The following SHROOM3 variants were observed in gnomAD, a reference collection of about 807,000 sequenced individuals.
The protein encoded by SHROOM3 is shroom family member 3.
Under a neutral mutation model 138.6 loss-of-function variants are expected in SHROOM3, and 47 were observed. That is an observed-to-expected ratio of 0.34 (90% CI 0.27 to 0.43). SHROOM3 has a LOEUF of 0.43. SHROOM3 is among the 20% of genes least tolerant of loss of function. The pLI is 1.00. For synonymous variants in SHROOM3, 1,062 were observed against 1,063.3 expected (o/e 1.00, Z 0.02); for missense variants, 2,491 against 2,596.5 (o/e 0.96, Z 0.88).
intron 3 of SHROOM3, among the ~76,000 whole-genome samples, chr4:76,721,167 C>T (rs12386424): frequency 0.18 from 27,736 of 151,178 alleles, 2,885 homozygotes; most frequent in East Asian, 0.32. Flanking sequence ...AAAAATTAGC[C>T]GGGCGTAGTG....
At chr4:76,437,705 T>G (rs981349465) in intron 1 of SHROOM3, among the ~76,000 whole-genome samples, 3 of 152,208 alleles carry the variant, frequency 2.0e-5, no homozygotes, top group African/African-American at 7.2e-5. Context: ...CTACTCTTCC[T>G]GAAGTCAAGG....
At chr4:76,635,523 A>G (rs1035350231) in intron 2 of SHROOM3, among the ~76,000 whole-genome samples, 5 of 152,168 alleles carry the variant, frequency 3.3e-5, no homozygotes, top group African/African-American at 9.7e-5. Flanking sequence ...GGACAGCCAG[A>G]CCTACCATTC....
intron 2 of SHROOM3, among the ~76,000 whole-genome samples, chr4:76,627,256 G>A (rs547238680): frequency 6.6e-6 from 1 of 152,244 alleles, no homozygotes; most frequent in Non-Finnish European, 1.5e-5. Context: ...CCTGCAGGGG[G>A]AGATCCTAGG....
At chr4:76,512,665 A>G (rs575722505) in intron 1 of SHROOM3, among the ~76,000 whole-genome samples, 1 of 152,290 alleles carries the variant, frequency 6.6e-6, no homozygotes, top group African/African-American at 2.4e-5. Context: ...GGGAAGGGGA[A>G]AGAAAACCTA....
chr4:76,650,510 T>C (rs1202476573), intron 2 of SHROOM3, among the ~76,000 whole-genome samples: 1 of 149,922 alleles, frequency 6.7e-6, no homozygotes, highest in East Asian at 2.0e-4. Context: ...AACATTCTTT[T>C]TTTTAAGTAT....
intron 2 of SHROOM3, among the ~76,000 whole-genome samples, chr4:76,681,625 G>GTGTGTGTGTATGTA (rs1553936159): frequency 0.014 from 1,699 of 117,920 alleles, 59 homozygotes; most frequent in South Asian, 0.029. Flanking sequence ...GTGTGTGTGT[G>GTGTGTGTGTATGTA]TGTGTGTGTA....
chr4:76,544,769 G>T (rs1302824963), intron 1 of SHROOM3, among the ~76,000 whole-genome samples: 2 of 152,158 alleles, frequency 1.3e-5, no homozygotes, highest in Admixed American at 6.5e-5. Context: ...CATTCTATTT[G>T]CTAGTTGTAT....
In SHROOM3 at chr4:76,740,399, C is replaced by A; in HGVS notation, c.2226C>A (p.Pro742=). 6.2e-7 allele frequency: 1 copy of A among 1,613,074 alleles called. No individual in the cohort carries two copies. Among genetic ancestry groups the A allele is most frequent in the Non-Finnish European group, 8.5e-7 (1 of 1,179,960 alleles). The change falls in exon 5 of 11, where the codon CCC becomes CCA. Residue 742 remains proline, a synonymous_variant. Coordinates refer to ENST00000296043, the MANE Select transcript of SHROOM3 (RefSeq NM_020859.4). This position sits in a 1 kb window ranked among gnomAD's most constrained non-coding sequence, Gnocchi z 4.0. ...SASFNSTDPS[P]EEPPAPSHPH... ...CTTTCAACAGCACAGACCCAAGTCC[C>A]GAAGAGCCGCCTGCCCCCTCGCACC...
At chr4:76,457,867 C>T (rs529813354) in intron 1 of SHROOM3, among the ~76,000 whole-genome samples, 1 of 151,452 alleles carries the variant, frequency 6.6e-6, no homozygotes, top group East Asian at 1.9e-4. Flanking sequence ...CTGATCTCGG[C>T]TCACTGCAAG....
intron 2 of SHROOM3, among the ~76,000 whole-genome samples, chr4:76,599,267 A>G (rs1324365759): frequency 6.6e-6 from 1 of 152,214 alleles, no homozygotes; most frequent in African/African-American, 2.4e-5. Context: ...CTTCAGTAGT[A>G]GCTTTTGAGA....
chr4:76,593,139 AG>A (rs1734308804), intron 2 of SHROOM3, among the ~76,000 whole-genome samples: 1 of 152,192 alleles, frequency 6.6e-6, no homozygotes, highest in African/African-American at 2.4e-5. Flanking sequence ...AACCACCATA[AG>A]TGATTTGGGA....
In SHROOM3 at chr4:76,756,831, C is replaced by G; in HGVS notation, c.5092C>G (p.Leu1698Val). The G allele has an allele frequency of 1.9e-6, 3 of 1,614,068 alleles. No homozygotes were observed. Among genetic ancestry groups the G allele is most frequent in the Non-Finnish European group, 2.5e-6 (3 of 1,180,020 alleles). The stretch of plus-strand genomic sequence containing the variant: ...CTCCAGGCTGAAGACAACAATGGAC[C>G]TGATGGAAGGTTTGTTTCCCCGAGA... ...PDSRLKTTMD[L>V]MEGLFPRDVN... The change falls in exon 8 of 11, where the codon CTG becomes GTG. Residue 1698 changes from leucine (L) to valine (V), a missense_variant. By Grantham distance (32) the Leu-to-Val change is conservative. This residue lies in a region of SHROOM3 where 470 missense variants were observed against 595.0 expected (regional missense o/e 0.79). Coordinates refer to ENST00000296043, the MANE Select transcript of SHROOM3 (RefSeq NM_020859.4).
At chr4:76,684,913 T>C (rs1478402212) in intron 2 of SHROOM3, among the ~76,000 whole-genome samples, 1 of 152,246 alleles carries the variant, frequency 6.6e-6, no homozygotes, top group African/African-American at 2.4e-5. Context: ...CTTAAATGCA[T>C]TTCCCTAAAG....
chr4:76,590,610 T>C (rs1734252486), intron 2 of SHROOM3, among the ~76,000 whole-genome samples: 1 of 151,416 alleles, frequency 6.6e-6, no homozygotes, highest in Admixed American at 6.6e-5. Context: ...TTCTACACAG[T>C]GATGAGTTTT....
Position 76,741,084 on chromosome 4 carries a change from C to T in SHROOM3, c.2911C>T (p.Pro971Ser). Residue 971 changes from proline to serine, a missense_variant, in exon 5 of 11, where the codon CCC (proline) becomes TCC (serine). Coordinates refer to ENST00000296043, the MANE Select transcript of SHROOM3 (RefSeq NM_020859.4). This position sits in a 1 kb window ranked among gnomAD's most constrained non-coding sequence, Gnocchi z 6.2. ...CTCGGCCCACGTGGGGCTGCGGAGC[C>T]CCGAGGCGTCGGCCTCCGCCTCCCC... Reference protein sequence around the residue: ...PSSAHVGLRSPEASASASPHT... With the variant: ...PSSAHVGLRSSEASASASPHT... 1 of 1,541,260 alleles carries T rather than the reference C, an allele frequency of 6.5e-7. No individual in the cohort carries two copies.
At chr4:76,777,544 G>C (rs568705580) in intron 10 of SHROOM3, among the ~76,000 whole-genome samples, 2 of 152,150 alleles carry the variant, frequency 1.3e-5, no homozygotes, top group Non-Finnish European at 2.9e-5. Context: ...TTGGCAAACA[G>C]CAACAGTTTG....
intron 1 of SHROOM3, among the ~76,000 whole-genome samples, chr4:76,553,440 T>G (rs1028783906): frequency 3.0e-4 from 45 of 151,426 alleles, no homozygotes; most frequent in Admixed American, 8.5e-4. Context: ...CACACTCAGC[T>G]AATTTTTGTG....
At chr4:76,750,711 G>C (rs150027121) in intron 6 of SHROOM3, among the ~76,000 whole-genome samples, 90 of 152,136 alleles carry the variant, frequency 5.9e-4, no homozygotes, top group African/African-American at 2.1e-3. Context: ...GGTGAGGGGG[G>C]CTGTTGGTTG....
chr4:76,637,572 A>G (rs1735534706), intron 2 of SHROOM3: 1 of 152,204 alleles, frequency 6.6e-6, no homozygotes, highest in African/African-American at 2.4e-5. Flanking sequence ...GGCTATGCTC[A>G]GGATCTTTAG....
Sources: allele counts gnomAD v4.1 joint callset (sites outside exome capture counted in the v4.1 genomes callset), GRCh38; gene constraint gnomAD v4.1.1; regional missense constraint gnomAD v4.1.1; non-coding constraint Gnocchi (gnomAD v3.1); transcripts MANE v1.5; gene names NCBI Gene and HGNC (gene_info 2026-07-23, HGNC 2026-07-21).